Variants in ATAD5 observed in about 807,000 individuals in gnomAD.
The protein encoded by ATAD5 is ATPase family AAA domain-containing protein 5.
A neutral mutation model predicts 176.9 loss-of-function variants in ATAD5; 58 were observed. The ratio of observed to expected loss-of-function variants is 0.33; its 90% CI spans 0.27 to 0.41. The LOEUF is 0.41. Ranked by LOEUF, ATAD5 falls within the 10% of genes least tolerant of loss-of-function variation. The pLI is 1.00. For synonymous variants in ATAD5, 640 were observed against 712.6 expected (o/e 0.90, Z 1.62); for missense variants, 1,789 against 2,094.1 (o/e 0.85, Z 2.84).
intron 19 of ATAD5, among the ~76,000 whole-genome samples, chr17:30,890,653 C>T (rs1489232885): frequency 1.3e-5 from 2 of 151,038 alleles, no homozygotes; most frequent in African/African-American, 2.4e-5. Flanking sequence ...GATCTCCTGA[C>T]CTTGTGATCC....
chr17:30,834,902 A>C lies in ATAD5; in HGVS notation c.821A>C (p.His274Pro), dbSNP rs1411044673. The C allele has an allele frequency of 6.2e-7, 1 of 1,613,816 alleles. No individual in the cohort carries two copies. The highest frequency in any genetic ancestry group is 1.7e-5 in the Admixed American group (1 of 59,960). Residue 274 changes from histidine to proline, a missense_variant, in exon 2 of 23, where the codon CAC becomes CCC. His to Pro is a moderately conservative substitution (Grantham distance 77, BLOSUM62 -2). This residue lies in a region of ATAD5 where 696 missense variants were observed against 712.5 expected (regional missense o/e 0.98). Coordinates refer to ENST00000321990, the MANE Select transcript of ATAD5 (RefSeq NM_024857.5). ...TCATATGAGGAATTTTTAAAAAGTCACAAGGAAAATAAAGTGGAAGAGATA... is the reference window on the plus strand; with the variant it reads ...TCATATGAGGAATTTTTAAAAAGTCCCAAGGAAAATAAAGTGGAAGAGATA... The part of the protein sequence containing the change: ...TVSYEEFLKS[H>P]KENKVEEIPD...
chr17:30,894,101 T>A lies in ATAD5; in HGVS notation c.5248T>A (p.Ser1750Thr). 1 of 1,601,304 alleles carries A rather than the reference T, an allele frequency of 6.2e-7. No homozygotes were observed. The highest frequency in any genetic ancestry group is 1.1e-5 in the South Asian group (1 of 90,008). ...AACCAACGATCTTACTTTTTATGTT[T>A]CACAAAAGCGCAATAATGTATACTT... ...DPTNDLTFYV[S>T]QKRNNVYFSQ... The change falls in exon 21 of 23, where the codon TCA becomes ACA. Residue 1750 changes from serine to threonine, a missense_variant. By Grantham distance (58) the Ser-to-Thr change is moderately conservative (BLOSUM62 1). Transcript: ENST00000321990.
In ATAD5 at chr17:30,893,303, A is replaced by C; in HGVS notation, c.4450A>C (p.Thr1484Pro). The C allele has an allele frequency of 6.4e-7, 1 of 1,568,944 alleles. No homozygotes were observed. Among genetic ancestry groups the C allele is most frequent in the Non-Finnish European group, 8.6e-7 (1 of 1,161,532 alleles). The change falls in exon 21 of 23, where the codon ACA becomes CCA. Residue 1484 changes from threonine to proline, a missense_variant. Transcript: ENST00000321990. ...CAAAATTGTTTTTCAGCACAAAATCACAATGAAGGAAGAATGGCATAAATT... is the reference window on the plus strand; with the variant it reads ...CAAAATTGTTTTTCAGCACAAAATCCCAATGAAGGAAGAATGGCATAAATT... ...DLFSFLKHKI[T>P]MKEEWHKFIQ...
chr17:30,844,124 T>A (rs1906315663), intron 5 of ATAD5, 85 bp downstream of exon 5: 2 of 1,079,222 alleles, frequency 1.9e-6, no homozygotes, highest in Non-Finnish European at 2.5e-6. Flanking sequence ...CTGGGGTATT[T>A]ATTTATTTAT....
At chr17:30,847,830 C>T (rs2142336412) in intron 6 of ATAD5, among the ~76,000 whole-genome samples, 1 of 151,296 alleles carries the variant, frequency 6.6e-6, no homozygotes, top group East Asian at 1.9e-4. Context: ...TGCCATTCTC[C>T]TGCCTCAGCC....
intron 20 of ATAD5, among the ~76,000 whole-genome samples, 186 bp downstream of exon 20, chr17:30,892,974 A>G (rs939950064): frequency 1.3e-5 from 2 of 152,224 alleles, no homozygotes; most frequent in African/African-American, 4.8e-5. Flanking sequence ...CTCTGAATGC[A>G]TATTATAGGA....
intron 6 of ATAD5, among the ~76,000 whole-genome samples, chr17:30,851,933 G>A (rs1906994675): frequency 6.6e-6 from 1 of 152,158 alleles, no homozygotes; most frequent in African/African-American, 2.4e-5. Flanking sequence ...TGCCCAGGCT[G>A]GTCTTGAACT....
intron 10 of ATAD5, among the ~76,000 whole-genome samples, chr17:30,861,225 A>G (rs1907614735): frequency 8.5e-6 from 1 of 117,684 alleles, no homozygotes; most frequent in Non-Finnish European, 1.7e-5. Flanking sequence ...TGGCCTCCCA[A>G]AGTGCAGATT....
chr17:30,869,086 A>G (rs1908184826), intron 12 of ATAD5, among the ~76,000 whole-genome samples, 162 bp from the exon 13 acceptor site: 3 of 151,996 alleles, frequency 2.0e-5, no homozygotes, highest in Admixed American at 2.0e-4. Flanking sequence ...TCAGCTTCCC[A>G]AAGTGCTGGG....
Position 30,893,474 on chromosome 17 carries a change from A to G in ATAD5, c.4621A>G (p.Thr1541Ala), listed in dbSNP as rs1909742410. ...PSVTVDASAA[T>A]KSMNCLARKH... Reference sequence around the variant, plus strand: ...AGTAACTGTGGATGCCAGTGCAGCAACAAAAAGTATGAATTGTCTTGCTAG... The same window carrying G: ...AGTAACTGTGGATGCCAGTGCAGCAGCAAAAAGTATGAATTGTCTTGCTAG... Residue 1541 changes from threonine (T) to alanine (A), a missense_variant, in exon 21 of 23, where the codon ACA becomes GCA. Transcript: ENST00000321990. 6.2e-7 allele frequency: 1 copy of G among 1,613,642 alleles called. No individual in the cohort carries two copies. Among genetic ancestry groups the G allele is most frequent in the East Asian group, 2.2e-5 (1 of 44,878 alleles).
At chr17:30,865,438 C>G (rs1907924681) in intron 10 of ATAD5, among the ~76,000 whole-genome samples, 1 of 152,042 alleles carries the variant, frequency 6.6e-6, no homozygotes, top group Non-Finnish European at 1.5e-5. Context: ...TCCCAAAGTG[C>G]TGGGATTACA....
intron 3 of ATAD5, 57 bp downstream of exon 3, chr17:30,837,371 C>A: frequency 8.7e-7 from 1 of 1,151,672 alleles, no homozygotes; most frequent in Non-Finnish European, 1.2e-6. Context: ...AAAAAACAAA[C>A]AAAAAACCCC....
chr17:30,893,965 C>T lies in ATAD5; in HGVS notation c.5112C>T (p.Ser1704=), dbSNP rs777209349. The T allele has an allele frequency of 7.4e-6, 12 of 1,614,018 alleles. No individual in the cohort carries two copies. The East Asian group carries it at 2.7e-4, about 36-fold the overall frequency. The change falls in exon 21 of 23, where the codon AGC becomes AGT. Residue 1704 remains serine, a synonymous_variant. Transcript: ENST00000321990. ...LESNDGWTSQ[S]SGELKAAAEA... ...GTAATGATGGATGGACTTCTCAAAG[C>T]TCTGGAGAATTAAAGGCAGCTGCAG...
rs1267229138 is a variant in ATAD5, at chr17:30,855,279, G to A, written c.2587G>A (p.Val863Met). 6.2e-7 allele frequency: 1 copy of A among 1,608,990 alleles called. No individual in the cohort carries two copies. The highest frequency in any genetic ancestry group is 2.2e-5 in the East Asian group (1 of 44,848). The stretch of plus-strand genomic sequence containing the variant: ...TGCTGCGCTGGATGTGTACAATGCA[G>A]TGAGTACCAGTTTCCAGAGAGTCGT... ...KAAALDVYNA[V>M]STSFQRVVHV... is the part of the protein sequence containing the mutation. The change falls in exon 7 of 23, where the codon GTG (valine) becomes ATG (methionine). Residue 863 changes from valine to methionine, a missense_variant. Physicochemically the swap from Val to Met is conservative, Grantham distance 21. Around this residue, in one of 6 missense-constraint regions of ATAD5, gnomAD observed 487 missense variants for 573.6 expected, o/e 0.85. Transcript: ENST00000321990.
Position 30,834,428 on chromosome 17 carries a change from G to C in ATAD5, c.347G>C (p.Arg116Thr), listed in dbSNP as rs1387331730. Reference sequence around the variant, plus strand: ...GTAGAGTTTAAGAAGAAAAGAAAGAGGGTTAATTTATCTCATCAACTAAAT... The same window carrying C: ...GTAGAGTTTAAGAAGAAAAGAAAGACGGTTAATTTATCTCATCAACTAAAT... Reference protein sequence around the residue: ...SNVEFKKKRKRVNLSHQLNNI... With the variant: ...SNVEFKKKRKTVNLSHQLNNI... Residue 116 changes from arginine to threonine, a missense_variant, in exon 2 of 23, where the codon AGG becomes ACG. Arg to Thr is a moderately conservative substitution (Grantham distance 71). This residue lies in a region of ATAD5 where 696 missense variants were observed against 712.5 expected (regional missense o/e 0.98). Coordinates refer to ENST00000321990, the MANE Select transcript of ATAD5 (RefSeq NM_024857.5). 1 of 1,598,538 alleles carries C rather than the reference G, an allele frequency of 6.3e-7. No individual in the cohort carries two copies. Among genetic ancestry groups the C allele is most frequent in the Non-Finnish European group, 8.5e-7 (1 of 1,174,004 alleles).
chr17:30,855,490 TTC>T (rs1307031551), intron 7 of ATAD5, among the ~76,000 whole-genome samples, 163 bp downstream of exon 7: 2 of 152,132 alleles, frequency 1.3e-5, no homozygotes, highest in Non-Finnish European at 2.9e-5. Flanking sequence ...TGGGGTTTGA[TTC>T]CAGGACCCCC....
intron 18 of ATAD5, among the ~76,000 whole-genome samples, chr17:30,883,119 A>G (rs1312689473): frequency 6.9e-6 from 1 of 145,006 alleles, no homozygotes; most frequent in African/African-American, 2.6e-5. Context: ...TAATATAAAC[A>G]CCAGATTTTT....
At chr17:30,851,018 G>A (rs1162825251) in intron 6 of ATAD5, among the ~76,000 whole-genome samples, 1 of 143,456 alleles carries the variant, frequency 7.0e-6, no homozygotes, top group Non-Finnish European at 1.5e-5. Flanking sequence ...CCGAGTAGCT[G>A]GGATTACAGG....
chr17:30,846,387 G>A (rs1159452149), intron 6 of ATAD5, among the ~76,000 whole-genome samples: 1 of 148,870 alleles, frequency 6.7e-6, no homozygotes, highest in African/African-American at 2.5e-5. Context: ...TTTAAGTAAA[G>A]AGTTTGAGGT....
Sources: gnomAD v4.1 joint callset for allele counts (sites outside exome capture counted in the v4.1 genomes callset) on GRCh38, gnomAD v4.1.1 for gene constraint, gnomAD v4.1.1 regional missense constraint, MANE v1.5 for transcripts, NCBI Gene and HGNC (gene_info 2026-07-23, HGNC 2026-07-21) for gene names.